The following MEMO1 variants were observed in gnomAD, a reference collection of about 807,000 sequenced individuals.
MEMO1 encodes the protein protein MEMO1.
In MEMO1, 6 loss-of-function variants were observed where a neutral mutation model predicts 45.2. The ratio of observed to expected loss-of-function variants is 0.13; its 90% CI spans 0.07 to 0.26. The LOEUF (loss-of-function observed/expected upper bound fraction) is 0.26, where lower values mean the gene tolerates loss of function less well. MEMO1 is among the 10% of genes least tolerant of loss of function. The pLI is 1.00. For missense variants in MEMO1, 184 were observed against 370.5 expected, an observed-to-expected ratio of 0.50 and a Z score of 4.13; for synonymous variants, 78 against 124.3, an observed-to-expected ratio of 0.63 and a Z score of 2.48.
intron 6 of MEMO1, among the ~76,000 whole-genome samples, chr2:31,916,419 G>C (rs1381832772): frequency 1.3e-5 from 2 of 152,146 alleles, no homozygotes; most frequent in African/African-American, 4.8e-5. Context: ...AGTAGAGACA[G>C]AGTTTTGCCA....
At chr2:32,002,144 C>CAA (rs1156408005) in intron 2 of MEMO1, among the ~76,000 whole-genome samples, 1,138 of 55,364 alleles carry the variant, frequency 0.021, 34 homozygotes, top group African/African-American at 0.03. Flanking sequence ...GACTCTGTCT[C>CAA]AAAAAAAAAA....
chr2:31,978,896 G>A (rs984526710), intron 2 of MEMO1, among the ~76,000 whole-genome samples: 1 of 151,908 alleles, frequency 6.6e-6, no homozygotes, highest in South Asian at 2.1e-4. Context: ...TTTTTCATAA[G>A]GCAATACTTT....
At chr2:31,891,481 T>C (rs574485899) in intron 7 of MEMO1, among the ~76,000 whole-genome samples, 2 of 151,910 alleles carry the variant, frequency 1.3e-5, no homozygotes, top group Non-Finnish European at 2.9e-5. Flanking sequence ...CAGTGCTTAA[T>C]AGCCAATATT....
At chr2:31,971,727 T>C (rs1669431852) in intron 2 of MEMO1, among the ~76,000 whole-genome samples, 1 of 151,756 alleles carries the variant, frequency 6.6e-6, no homozygotes, top group Non-Finnish European at 1.5e-5. Flanking sequence ...CCCAGCATTT[T>C]GGGAGGCCGA....
At chr2:31,934,545 A>C (rs766373300) in intron 3 of MEMO1, among the ~76,000 whole-genome samples, 1 of 152,192 alleles carries the variant, frequency 6.6e-6, no homozygotes, top group Non-Finnish European at 1.5e-5. Flanking sequence ...ATAAGAGTAC[A>C]AAGGTAAGGA....
chr2:31,974,082 T>TCTCG (rs1280540501), intron 2 of MEMO1, among the ~76,000 whole-genome samples: 1 of 152,176 alleles, frequency 6.6e-6, no homozygotes, highest in Non-Finnish European at 1.5e-5. Context: ...GCTAATTGTT[T>TCTCG]CTCGCTCGCT....
intron 2 of MEMO1, among the ~76,000 whole-genome samples, chr2:31,960,627 C>A (rs1572818346): frequency 6.6e-6 from 1 of 151,930 alleles, no homozygotes; most frequent in African/African-American, 2.4e-5. Flanking sequence ...ACTCTATTAC[C>A]CAGGCTGGAG....
At chr2:31,896,125 G>A (rs905297223) in intron 6 of MEMO1, among the ~76,000 whole-genome samples, 4 of 152,090 alleles carry the variant, frequency 2.6e-5, no homozygotes, top group African/African-American at 7.2e-5. Context: ...TTACAGGCGT[G>A]AGCCACCGTG....
chr2:31,896,480 G>A (rs1423942157), intron 6 of MEMO1, among the ~76,000 whole-genome samples: 1 of 152,152 alleles, frequency 6.6e-6, no homozygotes, highest in Non-Finnish European at 1.5e-5. Flanking sequence ...AAATACAAAA[G>A]TATGGCTATG....
chr2:31,872,322 TTACA>T (rs1202829862), intron 8 of MEMO1, among the ~76,000 whole-genome samples: 1 of 152,148 alleles, frequency 6.6e-6, no homozygotes, highest in Non-Finnish European at 1.5e-5. Context: ...CTTTGAACAC[TTACA>T]TAGCTACAAC....
intron 2 of MEMO1, among the ~76,000 whole-genome samples, chr2:31,985,722 T>C (rs1671180983): frequency 6.6e-6 from 1 of 152,224 alleles, no homozygotes; most frequent in Admixed American, 6.5e-5. Flanking sequence ...TAATAGAAAA[T>C]GTCATATTCC....
chr2:31,980,621 T>C lies in MEMO1; in HGVS notation c.61+29566A>G, dbSNP rs188014154. Among the ~76,000 whole-genome samples the C allele has an allele frequency of 2.6e-5, 4 of 152,276 alleles. No individual in the cohort carries two copies. The East Asian group carries it at 5.8e-4, about 22-fold the overall frequency. On this transcript the variant is annotated intron_variant, in intron 2 of 9. Coordinates refer to ENST00000404530, the MANE Select transcript of MEMO1 (RefSeq NM_001301833.4). ...TTTACCAATCCTATATAAGATGATA[T>C]AGGATACAGTTTTAGCCTCCTTCTC...
intron 3 of MEMO1, among the ~76,000 whole-genome samples, chr2:31,934,336 G>A (rs1255315876): frequency 2.0e-5 from 3 of 152,032 alleles, no homozygotes; most frequent in Admixed American, 1.3e-4. Context: ...TCTAGTCTGA[G>A]TCTCTCCCAT....
chr2:31,923,313 G>A (rs1324004909), intron 4 of MEMO1, among the ~76,000 whole-genome samples: 4 of 151,960 alleles, frequency 2.6e-5, no homozygotes, highest in African/African-American at 9.7e-5. Context: ...CTTTTCAACT[G>A]GATTGTTTCT....
At chr2:31,929,350 G>T (rs983912267) in intron 4 of MEMO1, among the ~76,000 whole-genome samples, 4 of 151,224 alleles carry the variant, frequency 2.6e-5, no homozygotes, top group African/African-American at 9.7e-5. Context: ...TCCGTTCATC[G>T]CTTCCACTGG....
chr2:31,976,577 A>G (rs992241624), intron 2 of MEMO1, among the ~76,000 whole-genome samples: 3 of 149,358 alleles, frequency 2.0e-5, no homozygotes, highest in South Asian at 2.1e-4. Context: ...GACTGTCTCA[A>G]AAAAAAAAAA....
chr2:31,992,040 G>A (rs1672010926), intron 2 of MEMO1, among the ~76,000 whole-genome samples: 1 of 152,158 alleles, frequency 6.6e-6, no homozygotes. Context: ...GAAATTGTGA[G>A]AAGTTTCCAA....
chr2:31,901,374 CAAAAAAAAAAAAAAAA>C (rs70964738), intron 6 of MEMO1, among the ~76,000 whole-genome samples: 6 of 22,688 alleles, frequency 2.6e-4, no homozygotes, highest in Non-Finnish European at 5.7e-4. Flanking sequence ...CTCTGTCTCA[CAAAAAAAAAAAAAAAA>C]AAAAAAAAAA....
At chr2:31,997,343 C>G (rs935782615) in intron 2 of MEMO1, among the ~76,000 whole-genome samples, 3 of 152,086 alleles carry the variant, frequency 2.0e-5, no homozygotes, top group African/African-American at 7.2e-5. Context: ...AGAGAATATA[C>G]GCACTATATT....
Sources: allele counts gnomAD v4.1 joint callset (sites outside exome capture counted in the v4.1 genomes callset), GRCh38; gene constraint gnomAD v4.1.1; transcripts MANE v1.5; gene names NCBI Gene and HGNC (gene_info 2026-07-23, HGNC 2026-07-21).